The following IPO5 variants were observed in gnomAD, a reference collection of about 807,000 sequenced individuals.
The protein encoded by IPO5 is importin-5.
In IPO5, 18 loss-of-function variants were observed where a neutral mutation model predicts 143.3. The ratio of observed to expected loss-of-function variants is 0.13; its 90% confidence interval spans 0.09 to 0.19. The LOEUF (loss-of-function observed/expected upper bound fraction) is 0.19, where lower values mean the gene tolerates loss of function less well. Ranked by LOEUF, IPO5 falls within the 10% of genes least tolerant of loss-of-function variation. The pLI, the probability that IPO5 is intolerant of heterozygous loss-of-function variation, is 1.00. For missense variants in IPO5, 1,013 were observed against 1,336.9 expected (o/e 0.76, Z 3.78); for synonymous variants, 477 against 465.7 (o/e 1.02, Z -0.31).
intron 11 of IPO5, among the ~76,000 whole-genome samples, chr13:97,994,509 T>C (rs1888073739): frequency 6.6e-6 from 1 of 152,140 alleles, no homozygotes; most frequent in African/African-American, 2.4e-5. Flanking sequence ...TTATAGTAAC[T>C]GGGAATAAAT....
chr13:98,003,034 A>G lies in IPO5; in HGVS notation c.1494A>G (p.Gln498=). 18 of 1,604,816 alleles carry G rather than the reference A, an allele frequency of 1.1e-5. No homozygotes were observed. Among genetic ancestry groups the G allele is most frequent in the Non-Finnish European group, 1.4e-5 (16 of 1,176,370 alleles). The change falls in exon 16 of 29, where the codon CAA becomes CAG. Residue 498 remains glutamine, a synonymous_variant. Coordinates refer to ENST00000651721, the MANE Select transcript of IPO5 (RefSeq NM_002271.6). ...ATTCCATTATGGTACTGAAGCTTCAAGAGGTAAGTTTTAAGATCTGTAGGC... is the reference window on the plus strand; with the variant it reads ...ATTCCATTATGGTACTGAAGCTTCAGGAGGTAAGTTTTAAGATCTGTAGGC... ...HLHSIMVLKL[Q]ELIQKGTKLV...
intron 22 of IPO5, among the ~76,000 whole-genome samples, chr13:98,014,975 C>G (rs1193085771): frequency 6.6e-6 from 1 of 151,956 alleles, no homozygotes. Flanking sequence ...TTCATTGAGT[C>G]ACTTCCTTTC....
At chr13:97,970,708 G>A (rs1885757213) in intron 3 of IPO5, among the ~76,000 whole-genome samples, 3 of 152,180 alleles carry the variant, frequency 2.0e-5, no homozygotes. Flanking sequence ...ACCATAATGA[G>A]CATTGCAACT....
chr13:98,006,500 G>A lies in IPO5; in HGVS notation c.1716+152G>A, dbSNP rs573677408. 38 of 542,728 alleles carry A rather than the reference G, an allele frequency of 7.0e-5. 1 individual carries two copies. In the Admixed American group the frequency reaches 1.1e-3, roughly 16 times the overall value. 33.6% of individuals were successfully genotyped at this position (542,728 alleles called of 1,614,324 possible). ...TGCCATTCTCCTGCCTCAGCCTCCC[G>A]AGTAGCTGGGACTACAGACGCCCGC... On this transcript the variant is annotated intron_variant, in intron 17 of 28. Coordinates refer to ENST00000651721, the MANE Select transcript of IPO5 (RefSeq NM_002271.6).
intron 2 of IPO5, among the ~76,000 whole-genome samples, chr13:97,968,527 A>T (rs1369105252): frequency 6.6e-6 from 1 of 152,030 alleles, no homozygotes; most frequent in Non-Finnish European, 1.5e-5. Flanking sequence ...TAATTCTGTC[A>T]GGTTTTGCTT....
chr13:98,016,873 AGTT>A, intron 25 of IPO5, 22 bp downstream of exon 25: 1 of 1,494,656 alleles, frequency 6.7e-7, no homozygotes, highest in Non-Finnish European at 8.9e-7. Flanking sequence ...CTCTCTTAAT[AGTT>A]GTTTTGCGTA....
At chr13:97,985,114 A>G (rs1191119646) in intron 5 of IPO5, among the ~76,000 whole-genome samples, 2 of 152,178 alleles carry the variant, frequency 1.3e-5, no homozygotes, top group African/African-American at 4.8e-5. Context: ...TATAGGGTTT[A>G]CAATTTAAGA....
intron 12 of IPO5, 63 bp downstream of exon 12, chr13:97,997,681 A>G (rs1888414000): frequency 3.2e-6 from 3 of 933,782 alleles, no homozygotes; most frequent in Admixed American, 4.0e-5. Context: ...CCATCTCTTC[A>G]CTATTGCACC....
At position 97,954,214 on chromosome 13, in the gene IPO5, T is replaced by A. The variant is rs1249355962; in HGVS notation, c.-113+16T>A. The A allele has an allele frequency of 6.3e-6, 1 of 158,856 alleles. No homozygotes were observed. Among genetic ancestry groups the A allele is most frequent in the Non-Finnish European group, 1.4e-5 (1 of 71,928 alleles). 9.8% of individuals were successfully genotyped at this position (158,856 alleles called of 1,614,324 possible). On this transcript the variant is annotated intron_variant, in intron 2 of 28. Transcript: ENST00000651721. ...CGGCACTCAAGTGAGTCTAGAATTA[T>A]CAGATTTTGTTCTGTCTCTCTTCAC...
intron 6 of IPO5, among the ~76,000 whole-genome samples, chr13:97,986,718 A>G (rs796497204): frequency 1.4e-4 from 22 of 152,388 alleles, no homozygotes; most frequent in African/African-American, 4.6e-4. Context: ...ATCATAAAAA[A>G]ATGCATTTTA....
At chr13:97,991,122 C>T (rs1887764691) in intron 9 of IPO5, among the ~76,000 whole-genome samples, 1 of 152,084 alleles carries the variant, frequency 6.6e-6, no homozygotes, top group Non-Finnish European at 1.5e-5. Flanking sequence ...TTGTCAGACT[C>T]CAAACTCCTT....
intron 11 of IPO5, among the ~76,000 whole-genome samples, chr13:97,996,849 C>T (rs1390091868): frequency 6.6e-6 from 1 of 152,182 alleles, no homozygotes; most frequent in Non-Finnish European, 1.5e-5. Context: ...GCCTCAGCCT[C>T]CCAAAGTGCT....
intron 4 of IPO5, chr13:97,981,537 G>T (rs1360146309): frequency 2.0e-5 from 5 of 251,390 alleles, no homozygotes; most frequent in Non-Finnish European, 3.9e-5. Context: ...CTTTGTTCCA[G>T]AGAAGCCACG....
chr13:98,008,164 G>T lies in IPO5; in HGVS notation c.1800+22G>T. Reference sequence around the variant, plus strand: ...TCAGGTAAGTGGTCTTAATGCATTTGCTTTGATCCGCTAATGAGTTGTGGA... The same window carrying T: ...TCAGGTAAGTGGTCTTAATGCATTTTCTTTGATCCGCTAATGAGTTGTGGA... On this transcript the variant is annotated intron_variant, in intron 18 of 28. Transcript: ENST00000651721. 3 of 1,355,492 alleles carry T rather than the reference G, an allele frequency of 2.2e-6. No homozygotes were observed. In the East Asian group the frequency reaches 6.9e-5, roughly 31 times the overall value. 84.0% of individuals were successfully genotyped at this position (1,355,492 alleles called of 1,614,324 possible). A position where few individuals can be genotyped will look rare whatever the true frequency, so the allele number is the denominator to read the frequency against.
chr13:98,004,774 G>A (rs1025131302), intron 16 of IPO5, among the ~76,000 whole-genome samples: 1 of 152,198 alleles, frequency 6.6e-6, no homozygotes, highest in Non-Finnish European at 1.5e-5. Context: ...AGTTGAATGT[G>A]TAACACAAGT....
At chr13:97,969,444 A>G (rs1050299761) in intron 2 of IPO5, among the ~76,000 whole-genome samples, 1 of 152,022 alleles carries the variant, frequency 6.6e-6, no homozygotes, top group Non-Finnish European at 1.5e-5. Context: ...GGCCTCCCAA[A>G]GTGCTGGGAT....
At chr13:98,006,536 G>A (rs1316907562) in intron 17 of IPO5, among the ~76,000 whole-genome samples, 188 bp downstream of exon 17, 6 of 151,162 alleles carry the variant, frequency 4.0e-5, no homozygotes, top group Admixed American at 6.6e-5. Context: ...CACCACGCCC[G>A]GCTAATTTTT....
At position 97,969,855 on chromosome 13, in the gene IPO5, G is replaced by C. The variant is rs777122119; in HGVS notation, c.-5+25G>C. On this transcript the variant is annotated intron_variant, in intron 3 of 28. Coordinates refer to ENST00000651721, the MANE Select transcript of IPO5 (RefSeq NM_002271.6). Reference sequence around the variant, plus strand: ...GGTAACTGATTTCACCTGGGGAAAAGTCACTTCCTGTTTTGTTTTTTTTAA... The same window carrying C: ...GGTAACTGATTTCACCTGGGGAAAACTCACTTCCTGTTTTGTTTTTTTTAA... 9 of 1,574,724 alleles carry C rather than the reference G, an allele frequency of 5.7e-6. No individual in the cohort carries two copies. In the East Asian group the frequency reaches 6.8e-5, roughly 12 times the overall value.
intron 18 of IPO5, 129 bp downstream of exon 18, chr13:98,008,271 C>T: frequency 3.4e-6 from 2 of 586,886 alleles, no homozygotes; most frequent in Non-Finnish European, 3.0e-6. Flanking sequence ...CAGAGACATT[C>T]TTCACTGATT....
Sources: gnomAD v4.1 joint callset for allele counts (sites outside exome capture counted in the v4.1 genomes callset) on GRCh38, gnomAD v4.1.1 for gene constraint, MANE v1.5 for transcripts, NCBI Gene and HGNC (gene_info 2026-07-23, HGNC 2026-07-21) for gene names.